GPHN: variants seen among roughly 807,000 people sequenced by gnomAD.
The protein encoded by GPHN is gephyrin.
GPHN carries 17 observed loss-of-function variants against 95.5 expected under a neutral mutation model. The ratio of observed to expected loss-of-function variants is 0.18; its 90% CI spans 0.12 to 0.27. The LOEUF is 0.27. Ranked by LOEUF, GPHN falls within the 10% of genes least tolerant of loss-of-function variation. The pLI is 1.00. For synonymous variants in GPHN, 320 were observed against 322.5 expected (o/e 0.99, Z 0.08); for missense variants, 660 against 978.1 (o/e 0.67, Z 4.34).
the GPHN span, among the ~76,000 whole-genome samples, chr14:67,322,146 G>A: frequency 5.3e-5 from 8 of 152,034 alleles, no homozygotes; most frequent in African/African-American, 1.9e-4. Flanking sequence ...AGGAGTTCCA[G>A]ACCAGCCTGG....
intron 1 of GPHN, among the ~76,000 whole-genome samples, chr14:66,578,654 G>GAAAAAAAAAAAAAAA: frequency 1.7e-5 from 1 of 59,682 alleles, no homozygotes; most frequent in Non-Finnish European, 3.3e-5. Context: ...GGGATAGAGT[G>GAAAAAAAAAAAAAAA]AAAAAAAAAA....
chr14:67,059,016 A>T, intron 11 of GPHN: 2 of 366,474 alleles, frequency 5.5e-6, no homozygotes, highest in Middle Eastern at 7.6e-4. Flanking sequence ...AAAAAAAGGA[A>T]AAAAAAAAAA....
chr14:66,748,866 C>T (rs1340901459), intron 2 of GPHN, among the ~76,000 whole-genome samples: 1 of 151,886 alleles, frequency 6.6e-6, no homozygotes, highest in Non-Finnish European at 1.5e-5. Flanking sequence ...TGGAATTTTC[C>T]ACTTGTAGTG....
chr14:67,716,102 C>T, the GPHN span, among the ~76,000 whole-genome samples: 1 of 151,156 alleles, frequency 6.6e-6, no homozygotes, highest in Non-Finnish European at 1.5e-5. Flanking sequence ...GAGACTGAGG[C>T]AGGAGAATGG....
At chr14:67,567,487 G>A in the GPHN span, among the ~76,000 whole-genome samples, 1 of 151,918 alleles carries the variant, frequency 6.6e-6, no homozygotes, top group Non-Finnish European at 1.5e-5. Flanking sequence ...ACCACTCTGG[G>A]CAGAAATAAT....
chr14:67,469,440 C>CTTTTTTT, the GPHN span, among the ~76,000 whole-genome samples: 26 of 80,880 alleles, frequency 3.2e-4, no homozygotes, highest in East Asian at 8.3e-4. Flanking sequence ...CCATGCCTGG[C>CTTTTTTT]TTTTTTTTTT....
At chr14:67,279,750 T>G in the GPHN span, 2 of 425,188 alleles carry the variant, frequency 4.7e-6, no homozygotes, top group African/African-American at 4.1e-5. Flanking sequence ...GTTAAGTCAC[T>G]ATAACATGTT....
At chr14:66,986,382 ATGTT>A (rs1199236214) in intron 9 of GPHN, among the ~76,000 whole-genome samples, 1 of 152,078 alleles carries the variant, frequency 6.6e-6, no homozygotes, top group Non-Finnish European at 1.5e-5. Flanking sequence ...ACATACCTAA[ATGTT>A]TGTCCATTTG....
chr14:66,913,701 A>G (rs1481872096), intron 5 of GPHN, among the ~76,000 whole-genome samples: 1 of 152,120 alleles, frequency 6.6e-6, no homozygotes, highest in Non-Finnish European at 1.5e-5. Flanking sequence ...CTTGTGTTGT[A>G]GTTGTTTATA....
intron 1 of GPHN, among the ~76,000 whole-genome samples, chr14:66,602,869 A>G (rs1338002757): frequency 6.6e-6 from 1 of 151,936 alleles, no homozygotes; most frequent in African/African-American, 2.4e-5. Flanking sequence ...CTCTGTGCCA[A>G]GAGTTATTGA....
intron 18 of GPHN, 100 bp downstream of exon 18, chr14:67,143,549 T>C (rs1249357143): frequency 3.7e-6 from 3 of 810,920 alleles, no homozygotes; most frequent in African/African-American, 3.4e-5. Flanking sequence ...ATAACGAGGC[T>C]CCCACAAAGC....
chr14:67,657,043 C>G, the GPHN span: 2 of 152,932 alleles, frequency 1.3e-5, no homozygotes, highest in East Asian at 3.8e-4. Context: ...ACTGAAGATT[C>G]CCACTAGACT....
At chr14:67,508,202 T>C in the GPHN span, among the ~76,000 whole-genome samples, 1 of 151,570 alleles carries the variant, frequency 6.6e-6, no homozygotes, top group Non-Finnish European at 1.5e-5. Context: ...CCTCCAGCTC[T>C]GACTTTGTTC....
intron 5 of GPHN, among the ~76,000 whole-genome samples, chr14:66,912,818 T>C (rs1420390644): frequency 1.3e-5 from 2 of 152,198 alleles, no homozygotes; most frequent in Non-Finnish European, 2.9e-5. Context: ...CTGTACCTTA[T>C]ATTTCAAAGA....
the GPHN span, among the ~76,000 whole-genome samples, chr14:67,244,846 G>C: frequency 6.6e-6 from 1 of 152,164 alleles, no homozygotes; most frequent in Non-Finnish European, 1.5e-5. Flanking sequence ...AGTGGCAAAG[G>C]CTTATTTAGG....
intron 1 of GPHN, among the ~76,000 whole-genome samples, chr14:66,671,868 G>A (rs899580949): frequency 1.3e-5 from 2 of 152,026 alleles, no homozygotes; most frequent in Non-Finnish European, 2.9e-5. Context: ...GGCGAGAGGT[G>A]TATTGATTTT....
chr14:67,187,593 G>T, the GPHN span, among the ~76,000 whole-genome samples: 1 of 152,194 alleles, frequency 6.6e-6, no homozygotes. Context: ...CTTTATTAGA[G>T]CTACTGGAGC....
chr14:66,514,824 G>A (rs903704387), intron 1 of GPHN, among the ~76,000 whole-genome samples: 1 of 151,878 alleles, frequency 6.6e-6, no homozygotes, highest in African/African-American at 2.4e-5. Context: ...GTCTTTCTTT[G>A]TTTTCCTTAC....
intron 1 of GPHN, among the ~76,000 whole-genome samples, chr14:66,670,746 C>T (rs568162954): frequency 3.3e-5 from 5 of 152,234 alleles, no homozygotes; most frequent in African/African-American, 9.6e-5. Context: ...GAGCCGAGAT[C>T]GCACCACTGC....
Sources: gnomAD v4.1 joint callset for allele counts (sites outside exome capture counted in the v4.1 genomes callset) on GRCh38, gnomAD v4.1.1 for gene constraint, MANE v1.5 for transcripts, NCBI Gene and HGNC (gene_info 2026-07-23, HGNC 2026-07-21) for gene names.